Variants in LRRC37A2 observed in about 807,000 individuals in gnomAD.
LRRC37A2 encodes leucine-rich repeat-containing protein 37A2.
LRRC37A2 carries 9 observed loss-of-function variants against 68.8 expected under a neutral mutation model. The observed-to-expected ratio is 0.13, with a 90% CI of 0.08 to 0.23. The LOEUF is 0.23. LRRC37A2 is among the 10% of genes least tolerant of loss of function. LRRC37A2 has a pLI of 1.00. For missense variants in LRRC37A2, 168 were observed against 950.4 expected, an observed-to-expected ratio of 0.18 and a Z score of 10.82; for synonymous variants, 63 against 367.6, an observed-to-expected ratio of 0.17 and a Z score of 9.48.
chr17:46,556,941 CTA>C (rs1257378605), downstream of LRRC37A2: 1 of 116,536 alleles, frequency 8.6e-6, no homozygotes, highest in Admixed American at 8.4e-5. Flanking sequence ...GCAGAAAAAA[CTA>C]TTGGGTACTA....
the LRRC37A2 span, among the ~76,000 whole-genome samples, chr17:46,762,305 T>G: frequency 0.011 from 1,647 of 152,296 alleles, 13 homozygotes; most frequent in Middle Eastern, 0.037. Flanking sequence ...GAAGTTAACT[T>G]AGAACAAAAG....
At chr17:46,900,200 TATACAC>T in the LRRC37A2 span, among the ~76,000 whole-genome samples, 2 of 100,972 alleles carry the variant, frequency 2.0e-5, no homozygotes. Flanking sequence ...TATATATATA[TATACAC>T]ACACACACAC....
chr17:46,872,795 CG>C, the LRRC37A2 span: 1 of 788,926 alleles, frequency 1.3e-6, no homozygotes. Context: ...GGCTAGGGGA[CG>C]GGGAGGGCTG....
chr17:46,998,426 T>C, the LRRC37A2 span, among the ~76,000 whole-genome samples: 1 of 152,214 alleles, frequency 6.6e-6, no homozygotes, highest in African/African-American at 2.4e-5. Flanking sequence ...TGCTTTGTCT[T>C]GTCACGTGCA....
the LRRC37A2 span, among the ~76,000 whole-genome samples, chr17:46,950,107 T>C: frequency 6.6e-6 from 1 of 152,238 alleles, no homozygotes; most frequent in Non-Finnish European, 1.5e-5. Context: ...GAACCCACTT[T>C]CATATCATAG....
chr17:46,793,014 C>T, the LRRC37A2 span, among the ~76,000 whole-genome samples: 12 of 151,746 alleles, frequency 7.9e-5, no homozygotes, highest in East Asian at 3.9e-4. Flanking sequence ...CCTGTAAACC[C>T]GGCACTTTGA....
At chr17:46,998,868 C>G in the LRRC37A2 span, 3 of 152,236 alleles carry the variant, frequency 2.0e-5, no homozygotes, top group African/African-American at 4.8e-5. Context: ...ACTGGCCCCT[C>G]AATTCCTTGT....
At chr17:46,671,612 T>A in the LRRC37A2 span, among the ~76,000 whole-genome samples, 52 of 50,008 alleles carry the variant, frequency 1.0e-3, no homozygotes, top group Non-Finnish European at 2.1e-3. Flanking sequence ...TAAAGCAGAC[T>A]AGAGCTTCTA....
At chr17:46,902,826 G>A in the LRRC37A2 span, among the ~76,000 whole-genome samples, 6 of 152,140 alleles carry the variant, frequency 3.9e-5, no homozygotes, top group Admixed American at 1.3e-4. Flanking sequence ...GGAAGGGATC[G>A]CCATCTTCAG....
At chr17:46,703,793 C>G in the LRRC37A2 span, among the ~76,000 whole-genome samples, 1 of 146,726 alleles carries the variant, frequency 6.8e-6, no homozygotes, top group African/African-American at 2.5e-5. Flanking sequence ...GTTGTGCAAC[C>G]ATCACTACCA....
chr17:46,940,948 A>G, the LRRC37A2 span: 3 of 1,250,728 alleles, frequency 2.4e-6, no homozygotes, highest in African/African-American at 3.1e-5. Context: ...TAACAGTGTG[A>G]CTCTCTCCAC....
the LRRC37A2 span, among the ~76,000 whole-genome samples, chr17:47,008,512 G>A: frequency 6.6e-6 from 1 of 150,750 alleles, no homozygotes; most frequent in East Asian, 2.0e-4. Context: ...AGGCTGGAGT[G>A]CAGTAGCACA....
the LRRC37A2 span, among the ~76,000 whole-genome samples, chr17:46,836,320 A>G: frequency 1.3e-5 from 2 of 152,030 alleles, no homozygotes; most frequent in African/African-American, 4.8e-5. Flanking sequence ...CATTCCTTGG[A>G]ACTGCTGTTT....
At chr17:46,768,752 C>T in the LRRC37A2 span, 4 of 1,613,938 alleles carry the variant, frequency 2.5e-6, no homozygotes, top group African/African-American at 1.3e-5. The surrounding 1 kb of genome is among the most constrained non-coding windows in gnomAD (Gnocchi z 5.0). Context: ...CACAGCTGCC[C>T]GACAGCCCGT....
the LRRC37A2 span, among the ~76,000 whole-genome samples, chr17:46,458,591 G>C: frequency 1.4e-5 from 1 of 72,144 alleles, no homozygotes; most frequent in African/African-American, 4.8e-5. Flanking sequence ...GCCCAGGCTG[G>C]AGTGCAATGG....
the LRRC37A2 span, chr17:46,755,649 C>A: frequency 1.2e-6 from 1 of 823,816 alleles, no homozygotes; most frequent in African/African-American, 1.7e-5. Context: ...TGACCATTTT[C>A]TTTTGTGAAG....
chr17:46,802,602 A>G, the LRRC37A2 span, among the ~76,000 whole-genome samples: 85 of 152,088 alleles, frequency 5.6e-4, 1 homozygote, highest in East Asian at 5.8e-4. Context: ...CCCTAACCCC[A>G]ACCCCATCCT....
At chr17:46,832,415 A>G in the LRRC37A2 span, among the ~76,000 whole-genome samples, 1 of 129,658 alleles carries the variant, frequency 7.7e-6, no homozygotes, top group Non-Finnish European at 1.6e-5. Context: ...GGGGTGGTGG[A>G]GGAGAGAAGG....
chr17:46,525,686 A>T (rs2145009784), intron 6 of LRRC37A2, among the ~76,000 whole-genome samples: 1 of 118,990 alleles, frequency 8.4e-6, no homozygotes, highest in Admixed American at 8.3e-5. Flanking sequence ...AACACCAGGA[A>T]AACACTGGAA....
Sources: allele counts gnomAD v4.1 joint callset (sites outside exome capture counted in the v4.1 genomes callset), GRCh38; gene constraint gnomAD v4.1.1; non-coding constraint Gnocchi (gnomAD v3.1); transcripts MANE v1.5; gene names NCBI Gene and HGNC (gene_info 2026-07-23, HGNC 2026-07-21).